The following NRXN3 variants were observed in gnomAD, a reference collection of about 807,000 sequenced individuals.
NRXN3 encodes the protein neurexin III.
Under a neutral mutation model 137.6 loss-of-function variants are expected in NRXN3, and 32 were observed. The observed-to-expected ratio is 0.23, with a 90% CI of 0.18 to 0.31. The LOEUF (loss-of-function observed/expected upper bound fraction) is 0.31, where lower values mean the gene tolerates loss of function less well. NRXN3 is among the 10% of genes least tolerant of loss of function. NRXN3 has a pLI of 1.00. For missense variants in NRXN3, 1,574 were observed against 2,062.5 expected (o/e 0.76, Z 4.59); for synonymous variants, 798 against 784.5 (o/e 1.02, Z -0.29).
rs542264038 is a variant in NRXN3, at chr14:78,756,554, A to T, written c.2044+41415A>T. On this transcript the variant is annotated intron_variant, in intron 8 of 20. Coordinates refer to ENST00000335750, the MANE Select transcript of NRXN3 (RefSeq NM_001330195.2). ...GACTGGGATTCTGTCTCAAAAAAAA[A>T]AAAAAAAAAAAGGTTCACTGTAAAA... Among the ~76,000 whole-genome samples the T allele has an allele frequency of 3.4e-3, 520 of 152,158 alleles. 1 individual carries two copies. The highest frequency in any genetic ancestry group is 0.015 in the South Asian group (74 of 4,814).
chr14:79,012,904 C>T (rs2099573456), intron 15 of NRXN3, among the ~76,000 whole-genome samples: 1 of 152,128 alleles, frequency 6.6e-6, no homozygotes, highest in South Asian at 2.1e-4. Flanking sequence ...GTTCTGCTAC[C>T]ATACTCATTT....
intron 10 of NRXN3, among the ~76,000 whole-genome samples, chr14:78,892,273 G>C (rs1335683944): frequency 6.6e-6 from 1 of 152,118 alleles, no homozygotes; most frequent in Non-Finnish European, 1.5e-5. Flanking sequence ...ATCTGAGAAG[G>C]CTTGAAGAAA....
At chr14:79,203,242 C>T (rs2066314731) in intron 15 of NRXN3, among the ~76,000 whole-genome samples, 1 of 152,184 alleles carries the variant, frequency 6.6e-6, no homozygotes, top group Admixed American at 6.5e-5. Context: ...TTAATATTCT[C>T]TCCTTAAATT....
At chr14:78,331,579 G>A (rs1417600645) in intron 4 of NRXN3, among the ~76,000 whole-genome samples, 1 of 152,184 alleles carries the variant, frequency 6.6e-6, no homozygotes, top group Non-Finnish European at 1.5e-5. Flanking sequence ...TTTATTCCCA[G>A]AAAGGACCAA....
chr14:78,553,674 G>A (rs1169224136), intron 4 of NRXN3, among the ~76,000 whole-genome samples: 1 of 152,208 alleles, frequency 6.6e-6, no homozygotes, highest in Non-Finnish European at 1.5e-5. Context: ...TAAGTCCGGG[G>A]ATCTGAGGCT....
In NRXN3 at chr14:78,753,744, C is replaced by G. The variant is rs560356595; in HGVS notation, c.2044+38605C>G. On this transcript the variant is annotated intron_variant, in intron 8 of 20. Transcript: ENST00000335750. The stretch of plus-strand genomic sequence containing the variant: ...CTTACCCAGGTTGAAATTGGCAGAG[C>G]TGAGGTCCAAATCAGAGAAATTCAG... The G allele has an allele frequency of 2.6e-5, 4 of 152,316 alleles. No individual in the cohort carries two copies. The South Asian group carries it at 8.3e-4, about 32-fold the overall frequency. 9.4% of individuals were successfully genotyped at this position (152,316 alleles called of 1,614,324 possible).
intron 4 of NRXN3, among the ~76,000 whole-genome samples, chr14:78,528,869 T>A (rs2096418926): frequency 6.6e-6 from 1 of 152,142 alleles, no homozygotes; most frequent in African/African-American, 2.4e-5. Context: ...GATTACCAAT[T>A]CTTTTGGTAC....
At chr14:78,400,110 T>A (rs372753506) in intron 4 of NRXN3, among the ~76,000 whole-genome samples, 1 of 152,354 alleles carries the variant, frequency 6.6e-6, no homozygotes, top group African/African-American at 2.4e-5. Context: ...TTCATTCTAT[T>A]AGAAATATTG....
At chr14:79,548,754 A>G (rs977607145) in intron 16 of NRXN3, among the ~76,000 whole-genome samples, 2 of 151,550 alleles carry the variant, frequency 1.3e-5, no homozygotes, top group African/African-American at 4.9e-5. Context: ...GATTAAAAAA[A>G]AAAAAAACAA....
intron 4 of NRXN3, among the ~76,000 whole-genome samples, chr14:78,622,983 GTATAT>G (rs1368653907): frequency 1.3e-5 from 2 of 152,108 alleles, no homozygotes; most frequent in Admixed American, 6.5e-5. Context: ...AGTGCTTTCT[GTATAT>G]TATGTCTCTT....
intron 4 of NRXN3, among the ~76,000 whole-genome samples, chr14:78,494,946 CT>C (rs2095747069): frequency 1.3e-5 from 2 of 152,052 alleles, no homozygotes; most frequent in African/African-American, 4.8e-5. Flanking sequence ...CCAGGTTCTT[CT>C]GAGTAACTCA....
intron 15 of NRXN3, among the ~76,000 whole-genome samples, chr14:79,146,571 C>T (rs181766093): frequency 2.0e-5 from 3 of 152,176 alleles, no homozygotes; most frequent in Admixed American, 2.0e-4. Context: ...GAGTGACAAC[C>T]ATGAGGTCTG....
chr14:78,721,731 G>T (rs2098460781), intron 8 of NRXN3, among the ~76,000 whole-genome samples: 1 of 152,112 alleles, frequency 6.6e-6, no homozygotes, highest in Non-Finnish European at 1.5e-5. Context: ...GCATTAAAAG[G>T]CTGTTTCCTC....
intron 4 of NRXN3, among the ~76,000 whole-genome samples, chr14:78,493,558 AT>A (rs1253405595): frequency 1.3e-5 from 2 of 151,338 alleles, no homozygotes; most frequent in Admixed American, 6.6e-5. Flanking sequence ...AAATAAATAA[AT>A]AAATAAAAAG....
At position 79,439,930 on chromosome 14, in the gene NRXN3, T is replaced by C. The variant is rs1041648602; in HGVS notation, c.3263-27291T>C. On this transcript the variant is annotated intron_variant, in intron 15 of 20. Coordinates refer to ENST00000335750, the MANE Select transcript of NRXN3 (RefSeq NM_001330195.2). ...CCATCCTGTTTTTTGTGGGCTCTTA[T>C]GCTGGTTCAGAGATGATATATGCCA... 3.9e-5 allele frequency among the ~76,000 whole-genome samples: 6 copies of C among 152,230 alleles called. No individual in the cohort carries two copies. The South Asian group carries it at 8.3e-4, about 21-fold the overall frequency.
intron 17 of NRXN3, among the ~76,000 whole-genome samples, chr14:79,681,843 C>G (rs1322340174): frequency 1.3e-5 from 2 of 151,870 alleles, no homozygotes; most frequent in African/African-American, 4.8e-5. Context: ...AACCCTGATT[C>G]AGGTCTCAAG....
intron 10 of NRXN3, among the ~76,000 whole-genome samples, chr14:78,943,079 T>C (rs31444): frequency 0.11 from 17,005 of 151,724 alleles, 1,238 homozygotes; most frequent in African/African-American, 0.19. Flanking sequence ...TAAATTGGAG[T>C]TATATGATGG....
At chr14:78,989,496 C>T (rs2099514194) in intron 15 of NRXN3, among the ~76,000 whole-genome samples, 2 of 152,128 alleles carry the variant, frequency 1.3e-5, no homozygotes, top group African/African-American at 4.8e-5. Context: ...GCATATGTCT[C>T]TGTATCTGTC....
intron 10 of NRXN3, among the ~76,000 whole-genome samples, chr14:78,865,716 T>C (rs774949680): frequency 6.6e-6 from 1 of 151,450 alleles, no homozygotes; most frequent in Non-Finnish European, 1.5e-5. Context: ...AATTAGGTTC[T>C]TTTGGAATTA....
Sources: allele counts gnomAD v4.1 joint callset (sites outside exome capture counted in the v4.1 genomes callset), GRCh38; gene constraint gnomAD v4.1.1; transcripts MANE v1.5; gene names NCBI Gene and HGNC (gene_info 2026-07-23, HGNC 2026-07-21).